The following ADAMTS5 variants were observed in gnomAD, a reference collection of about 807,000 sequenced individuals.
ADAMTS5 encodes A disintegrin and metalloproteinase with thrombospondin motifs 5.
ADAMTS5 carries 54 observed loss-of-function variants against 81.4 expected under a neutral mutation model. The observed-to-expected ratio is 0.66, with a 90% CI of 0.53 to 0.83. The LOEUF is 0.83. Ranked by LOEUF, ADAMTS5 falls within the 40% of genes least tolerant of loss-of-function variation. The probability of loss-of-function intolerance (pLI) is 0.00; values close to 1 mark genes in which losing one functional copy is unlikely to be tolerated. For synonymous variants in ADAMTS5, 532 were observed against 508.8 expected (o/e 1.05, Z -0.61); for missense variants, 1,194 against 1,229.9 (o/e 0.97, Z 0.44).
At chr21:26,953,984 TAGAC>T (rs1324558451) in intron 2 of ADAMTS5, 1 of 152,626 alleles carries the variant, frequency 6.6e-6, no homozygotes, top group African/African-American at 2.4e-5. Context: ...ATGTTGGAAT[TAGAC>T]AGAAAAAAGT....
chr21:26,961,938 GC>G (rs373946271), intron 1 of ADAMTS5, among the ~76,000 whole-genome samples: 76 of 152,296 alleles, frequency 5.0e-4, no homozygotes, highest in African/African-American at 1.7e-3. Context: ...AAGGAGAAAT[GC>G]CGTGTGGGGA....
At position 26,921,580 on chromosome 21, in the gene ADAMTS5, T is replaced by C. The variant is rs547782804; in HGVS notation, c.*2473A>G. 2 of 152,502 alleles carry C rather than the reference T, an allele frequency of 1.3e-5. No homozygotes were observed. The highest frequency in any genetic ancestry group is 4.8e-5 in the African/African-American group (2 of 41,538). 9.4% of individuals were successfully genotyped at this position (152,502 alleles called of 1,614,324 possible). ...GTGGACTGACTTAGATTGAGTTGTA[T>C]AGAATTTTCCCTTTGTTCACAATTC... On this transcript the variant is annotated 3_prime_UTR_variant, in exon 8 of 8. Transcript: ENST00000284987.
chr21:26,935,264 A>G (rs1986992980), intron 3 of ADAMTS5, among the ~76,000 whole-genome samples: 2 of 152,110 alleles, frequency 1.3e-5, no homozygotes, highest in Non-Finnish European at 2.9e-5. Flanking sequence ...AATTCCATAA[A>G]TAATAGCCAA....
intron 7 of ADAMTS5, among the ~76,000 whole-genome samples, chr21:26,927,837 G>A (rs1032150186): frequency 3.3e-5 from 5 of 151,714 alleles, no homozygotes; most frequent in Admixed American, 2.6e-4. Flanking sequence ...CGGTGGGAGC[G>A]GTCACGGTGG....
chr21:26,952,574 G>A lies in ADAMTS5; in HGVS notation c.1237+2165C>T, dbSNP rs186600520. Reference sequence around the variant, plus strand: ...ATTGCCACAGTGTTTGTCTTACAGGGAAATCTCCCAGATGCAGTCAATGTG... The same window carrying A: ...ATTGCCACAGTGTTTGTCTTACAGGAAAATCTCCCAGATGCAGTCAATGTG... On this transcript the variant is annotated intron_variant, in intron 2 of 7. Transcript: ENST00000284987. Among the ~76,000 whole-genome samples the A allele has an allele frequency of 5.4e-4, 83 of 152,300 alleles. 1 individual carries two copies. Among genetic ancestry groups the A allele is most frequent in the Admixed American group, 3.5e-3 (53 of 15,292 alleles).
Position 26,966,387 on chromosome 21 carries a change from A to G in ADAMTS5, c.5T>C (p.Leu2Pro). The G allele has an allele frequency of 6.9e-7, 1 of 1,456,064 alleles. No homozygotes were observed. Among genetic ancestry groups the G allele is most frequent in the Non-Finnish European group, 8.9e-7 (1 of 1,117,612 alleles). 90.2% of individuals were successfully genotyped at this position (1,456,064 alleles called of 1,614,324 possible). M[L>P]LGWASLLLCA... is the part of the protein sequence containing the mutation. The stretch of plus-strand genomic sequence containing the variant: ...CAGCAGCAGGGACGCCCACCCGAGC[A>G]GCATAGTGCGCTGCCCGCGGGGAGG... The change falls in exon 1 of 8, where the codon CTG becomes CCG. Residue 2 changes from leucine to proline, a missense_variant. By Grantham distance (98) the Leu-to-Pro change is moderately conservative. This residue lies in a region of ADAMTS5 where 498 missense variants were observed against 412.3 expected (regional missense o/e 1.21). Transcript: ENST00000284987.
Position 26,966,821 on chromosome 21 carries a change from G to T in ADAMTS5, c.-430C>A, listed in dbSNP as rs550710133. Among the ~76,000 whole-genome samples the T allele has an allele frequency of 4.6e-5, 7 of 152,268 alleles. No individual in the cohort carries two copies. In the East Asian group the frequency reaches 1.4e-3, roughly 29 times the overall value. ...GGTGCGCGCAGCCTCCCGCCCCCGC[G>T]CTGCGCTGGACAAGCCGGCTGTGGA... is the stretch of plus-strand genomic sequence containing the variant. On this transcript the variant is annotated 5_prime_UTR_variant, in exon 1 of 8. Transcript: ENST00000284987.
In ADAMTS5 at chr21:26,930,202, A is replaced by C. The variant is rs1009323900; in HGVS notation, c.2050-141T>G. On this transcript the variant is annotated intron_variant, in intron 6 of 7. Coordinates refer to ENST00000284987, the MANE Select transcript of ADAMTS5 (RefSeq NM_007038.5). ...ATTGAAAAAAAAAAAAGCCAAAAAA[A>C]CATAGTTTCCAGAAGTAGCTAACTG... 11 of 813,918 alleles carry C rather than the reference A, an allele frequency of 1.4e-5. No homozygotes were observed. In the Admixed American group the frequency reaches 2.7e-4, roughly 20 times the overall value. The allele number at this position is 813,918 out of a possible 1,614,324, so 50.4% of individuals were successfully genotyped here. A position where few individuals can be genotyped will look rare whatever the true frequency, so the allele number is the denominator to read the frequency against.
Position 26,921,471 on chromosome 21 carries a change from G to A in ADAMTS5, c.*2582C>T, listed in dbSNP as rs562670301. 9 of 142,322 alleles carry A rather than the reference G, an allele frequency of 6.3e-5. No homozygotes were observed. The highest frequency in any genetic ancestry group is 2.1e-4 in the African/African-American group (8 of 38,756). The allele number at this position is 142,322 out of a possible 1,614,324, so 8.8% of individuals were successfully genotyped here. A position where few individuals can be genotyped will look rare whatever the true frequency, so the allele number is the denominator to read the frequency against. ...CTTTTTTTTTTTTTTTTTTAAAGAAGTAGCCCCTAGCATCCTGAATTCTAG... is the reference window on the plus strand; with the variant it reads ...CTTTTTTTTTTTTTTTTTTAAAGAAATAGCCCCTAGCATCCTGAATTCTAG... On this transcript the variant is annotated 3_prime_UTR_variant, in exon 8 of 8. Transcript: ENST00000284987.
At chr21:26,934,233 T>C (rs959464126) in intron 4 of ADAMTS5, among the ~76,000 whole-genome samples, 1 of 152,202 alleles carries the variant, frequency 6.6e-6, no homozygotes, top group African/African-American at 2.4e-5. Context: ...ACATAAGTAT[T>C]TGTTAAAAGA....
rs945529130 is a variant in ADAMTS5, at chr21:26,919,703, T to C, written c.*4350A>G. On this transcript the variant is annotated 3_prime_UTR_variant, in exon 8 of 8. Transcript: ENST00000284987. ...ACAATTATACATTATAGAGTTTATA[T>C]GCATCATGATGATATAATTTGAGAA... The C allele has an allele frequency of 6.6e-6, 1 of 152,084 alleles. No homozygotes were observed. Among genetic ancestry groups the C allele is most frequent in the Non-Finnish European group, 1.5e-5 (1 of 67,980 alleles). The allele number at this position is 152,084 out of a possible 1,614,324, so 9.4% of individuals were successfully genotyped here. A position where few individuals can be genotyped will look rare whatever the true frequency, so the allele number is the denominator to read the frequency against.
In ADAMTS5 at chr21:26,941,909, A is replaced by G. The variant is rs376087821; in HGVS notation, c.1405+1471T>C. 2.6e-5 allele frequency among the ~76,000 whole-genome samples: 4 copies of G among 152,236 alleles called. No individual in the cohort carries two copies. The East Asian group carries it at 7.7e-4, about 29-fold the overall frequency. On this transcript the variant is annotated intron_variant, in intron 3 of 7. Coordinates refer to ENST00000284987, the MANE Select transcript of ADAMTS5 (RefSeq NM_007038.5). ...GGACTTTATCTGCATTTAATCCACA[A>G]TGTAAACTGAGCTAAACATAAAATT...
chr21:26,948,475 T>C (rs1324882585), intron 2 of ADAMTS5, among the ~76,000 whole-genome samples: 1 of 152,212 alleles, frequency 6.6e-6, no homozygotes, highest in African/African-American at 2.4e-5. Context: ...TTACCTAATT[T>C]TCCAGCTGGG....
intron 2 of ADAMTS5, among the ~76,000 whole-genome samples, chr21:26,945,628 A>ATTCTCTCT (rs1451289906): frequency 6.6e-6 from 1 of 152,232 alleles, no homozygotes; most frequent in Admixed American, 6.5e-5. Context: ...AAGTACCTTC[A>ATTCTCTCT]TTCTCTCTTT....
intron 1 of ADAMTS5, among the ~76,000 whole-genome samples, chr21:26,963,641 C>CAAAAAAAAAA (rs533760778): frequency 3.0e-4 from 9 of 30,018 alleles, no homozygotes; most frequent in Non-Finnish European, 3.5e-4. Flanking sequence ...AGTTGCTTAC[C>CAAAAAAAAAA]AAAAAAAAAA....
At chr21:26,937,095 A>G in intron 3 of ADAMTS5, among the ~76,000 whole-genome samples, 1 of 152,236 alleles carries the variant, frequency 6.6e-6, no homozygotes, top group Middle Eastern at 3.2e-3. Flanking sequence ...GCATGGATCT[A>G]TCTCATTTTT....
At chr21:26,954,695 A>T (rs1433928685) in intron 2 of ADAMTS5, 44 bp downstream of exon 2, 1 of 1,607,070 alleles carries the variant, frequency 6.2e-7, no homozygotes, top group South Asian at 1.1e-5. Context: ...TGCAGCTGTT[A>T]CAAGTGTTTG....
rs1275620075 is a variant in ADAMTS5 at position 26,965,824 on chromosome 21, G to T, written c.568C>A (p.Leu190Met). The T allele has an allele frequency of 1.9e-6, 3 of 1,610,470 alleles. No homozygotes were observed. Among genetic ancestry groups the T allele is most frequent in the East Asian group, 2.2e-5 (1 of 44,700 alleles). The change falls in exon 1 of 8, where the codon CTG becomes ATG. Residue 190 changes from leucine to methionine, a missense_variant. By Grantham distance (15) the Leu-to-Met change is conservative. Around this residue, in one of 2 missense-constraint regions of ADAMTS5, gnomAD observed 498 missense variants for 412.3 expected, o/e 1.21. Coordinates refer to ENST00000284987, the MANE Select transcript of ADAMTS5 (RefSeq NM_007038.5). ...RVYGDGSARI[L>M]HVYTREGFSF... ...AAGCCCTCGCGGGTGTAGACGTGCA[G>T]GATCCGTGCGGACCCATCCCCGTAC...
chr21:26,931,887 C>A, intron 6 of ADAMTS5, 117 bp downstream of exon 6: 1 of 1,062,234 alleles, frequency 9.4e-7, no homozygotes. Flanking sequence ...AAAAACCTTC[C>A]AAAATCTAAC....
Sources: gnomAD v4.1 joint callset for allele counts (sites outside exome capture counted in the v4.1 genomes callset) on GRCh38, gnomAD v4.1.1 for gene constraint, gnomAD v4.1.1 regional missense constraint, MANE v1.5 for transcripts, NCBI Gene and HGNC (gene_info 2026-07-23, HGNC 2026-07-21) for gene names.